Variants in SAMMSON observed in about 807,000 individuals in gnomAD.
SAMMSON encodes the protein long intergenic non-protein coding RNA 1212.
At chr3:70,020,385 C>T (rs951268573) in intron 3 of SAMMSON, among the ~76,000 whole-genome samples, 1 of 152,128 alleles carries the variant, frequency 6.6e-6, no homozygotes, top group South Asian at 2.1e-4. Context: ...TAGGAAATGA[C>T]CAAAGGAACT....
At chr3:70,314,219 A>G (rs1702479504) in intron 7 of SAMMSON, among the ~76,000 whole-genome samples, 1 of 152,140 alleles carries the variant, frequency 6.6e-6, no homozygotes, top group South Asian at 2.1e-4. Context: ...TCAGTATTTT[A>G]TGCATCTGTC....
chr3:70,132,918 A>G (rs1242924859), intron 4 of SAMMSON, among the ~76,000 whole-genome samples: 4 of 152,138 alleles, frequency 2.6e-5, no homozygotes, highest in Non-Finnish European at 5.9e-5. Flanking sequence ...CCCATCGCTG[A>G]CTTAGACATG....
intron 3 of SAMMSON, among the ~76,000 whole-genome samples, chr3:70,039,038 T>C (rs1475174276): frequency 1.3e-5 from 2 of 152,064 alleles, no homozygotes; most frequent in African/African-American, 4.8e-5. Flanking sequence ...CAGGTCATTA[T>C]GACAAACCTC....
intron 6 of SAMMSON, among the ~76,000 whole-genome samples, chr3:70,266,637 G>T (rs72943359): frequency 0.038 from 5,758 of 151,920 alleles, 341 homozygotes; most frequent in African/African-American, 0.13. Flanking sequence ...GTGAAGACAG[G>T]ATCTCCCTAT....
intron 3 of SAMMSON, among the ~76,000 whole-genome samples, chr3:70,056,788 C>G (rs143815770): frequency 6.6e-6 from 1 of 152,028 alleles, no homozygotes; most frequent in Non-Finnish European, 1.5e-5. Context: ...TCCAGATACT[C>G]TTTCCACTGT....
At chr3:70,028,182 C>CTTT (rs1559776272) in intron 3 of SAMMSON, among the ~76,000 whole-genome samples, 55 of 48,770 alleles carry the variant, frequency 1.1e-3, no homozygotes, top group South Asian at 6.8e-3. Context: ...TTCCTTCCTT[C>CTTT]CTTCCTTTCT....
chr3:70,136,166 C>T (rs573041767), intron 4 of SAMMSON, among the ~76,000 whole-genome samples: 1 of 152,258 alleles, frequency 6.6e-6, no homozygotes, highest in South Asian at 2.1e-4. Context: ...TTGCCAGCTT[C>T]CAAGATGGTG....
chr3:70,374,163 C>T (rs868680165), intron 9 of SAMMSON, among the ~76,000 whole-genome samples: 1 of 152,204 alleles, frequency 6.6e-6, no homozygotes, highest in Non-Finnish European at 1.5e-5. Flanking sequence ...ACTTGCCCAC[C>T]TCAGCCTCCC....
intron 7 of SAMMSON, among the ~76,000 whole-genome samples, chr3:70,319,405 T>C (rs536321254): frequency 6.6e-6 from 1 of 152,212 alleles, no homozygotes; most frequent in African/African-American, 2.4e-5. Flanking sequence ...ATATATTTTG[T>C]CTGGTTTTAT....
intron 6 of SAMMSON, among the ~76,000 whole-genome samples, chr3:70,264,595 A>T (rs1040033103): frequency 6.6e-6 from 1 of 152,256 alleles, no homozygotes; most frequent in Non-Finnish European, 1.5e-5. Flanking sequence ...ATCAGGCCAT[A>T]TACTAAGTCA....
intron 4 of SAMMSON, among the ~76,000 whole-genome samples, chr3:70,077,221 G>A (rs147496459): frequency 1.1e-4 from 17 of 152,174 alleles, no homozygotes; most frequent in African/African-American, 2.4e-4. Context: ...TTTCATGGAC[G>A]ATATCTGCTT....
intron 4 of SAMMSON, among the ~76,000 whole-genome samples, chr3:70,094,096 A>T (rs191330219): frequency 2.5e-4 from 38 of 152,232 alleles, no homozygotes; most frequent in Admixed American, 2.5e-3. Flanking sequence ...TATAAAATTC[A>T]GATTGTGCAC....
At chr3:70,229,360 C>T (rs1045946813) in intron 4 of SAMMSON, among the ~76,000 whole-genome samples, 9 of 152,098 alleles carry the variant, frequency 5.9e-5, no homozygotes, top group African/African-American at 1.9e-4. Flanking sequence ...CTGGTATATC[C>T]GATCCTTCAA....
intron 4 of SAMMSON, among the ~76,000 whole-genome samples, chr3:70,193,765 A>G (rs1379460705): frequency 6.6e-6 from 1 of 152,226 alleles, no homozygotes. Context: ...ACTTAAGTTT[A>G]CATATTAATA....
chr3:70,221,493 C>G (rs79978474), intron 4 of SAMMSON, among the ~76,000 whole-genome samples: 1 of 152,164 alleles, frequency 6.6e-6, no homozygotes, highest in African/African-American at 2.4e-5. Context: ...TCTTAACCAC[C>G]GTGATATATG....
intron 7 of SAMMSON, among the ~76,000 whole-genome samples, chr3:70,331,940 T>C (rs564017020): frequency 3.2e-4 from 49 of 152,296 alleles, no homozygotes; most frequent in African/African-American, 1.2e-3. Context: ...AACTTCACAA[T>C]TAAATTACTA....
intron 3 of SAMMSON, among the ~76,000 whole-genome samples, chr3:70,028,572 A>G (rs2067052039): frequency 6.6e-6 from 1 of 152,200 alleles, no homozygotes. Context: ...ATTAGTTGGA[A>G]AAAAATCCCT....
At chr3:70,425,444 C>G (rs1047980579) in intron 2 of SAMMSON, among the ~76,000 whole-genome samples, 2 of 151,582 alleles carry the variant, frequency 1.3e-5, no homozygotes, top group African/African-American at 4.9e-5. Context: ...CGGAGTCTCA[C>G]TCTGTCGCCC....
chr3:70,109,283 G>A (rs1335461176), intron 4 of SAMMSON, among the ~76,000 whole-genome samples: 1 of 150,898 alleles, frequency 6.6e-6, no homozygotes, highest in Non-Finnish European at 1.5e-5. Context: ...TGACCATTTA[G>A]TCACTCTCCT....
Sources: allele counts gnomAD v4.1 joint callset (sites outside exome capture counted in the v4.1 genomes callset), GRCh38; gene constraint gnomAD v4.1.1; transcripts MANE v1.5; gene names NCBI Gene and HGNC (gene_info 2026-07-23, HGNC 2026-07-21).